MYO9B: variants seen among roughly 807,000 people sequenced by gnomAD.
MYO9B encodes myosin IXB.
In MYO9B, 71 loss-of-function variants were observed where a neutral mutation model predicts 229.5. That is an observed-to-expected ratio of 0.31 (90% confidence interval 0.26 to 0.38). The LOEUF (loss-of-function observed/expected upper bound fraction) is 0.38, where lower values mean the gene tolerates loss of function less well. Ranked by LOEUF, MYO9B falls within the 10% of genes least tolerant of loss-of-function variation. The pLI is 1.00. For missense variants in MYO9B, 2,255 were observed against 2,920.5 expected (o/e 0.77, Z 5.25); for synonymous variants, 1,185 against 1,235.8 (o/e 0.96, Z 0.86).
In MYO9B at chr19:17,192,832, G is replaced by C; in HGVS notation, c.2898G>C (p.Trp966Cys). The C allele has an allele frequency of 6.4e-7, 1 of 1,554,028 alleles. No individual in the cohort carries two copies. Among genetic ancestry groups the C allele is most frequent in the Non-Finnish European group, 8.7e-7 (1 of 1,149,188 alleles). The change falls in exon 21 of 40, where the codon TGG (tryptophan) becomes TGC (cysteine). Residue 966 changes from tryptophan (W) to cysteine (C), a missense_variant. By Grantham distance (215) the Trp-to-Cys change is radical. This residue lies in a region of MYO9B where 679 missense variants were observed against 770.2 expected (regional missense o/e 0.88). Coordinates refer to ENST00000682292, the MANE Select transcript of MYO9B (RefSeq NM_004145.4). ...VVRKILLLQS[W>C]FRMVLERRHF... ...GGAAAATCCTGCTGCTGCAGAGCTGGTTCCGGATGGTGCTGGAGCGTCGGC... is the reference window on the plus strand; with the variant it reads ...GGAAAATCCTGCTGCTGCAGAGCTGCTTCCGGATGGTGCTGGAGCGTCGGC...
At chr19:17,134,381 G>GTTTTTTTTTTTTTTT (rs869297825) in intron 2 of MYO9B, among the ~76,000 whole-genome samples, 1 of 46,476 alleles carries the variant, frequency 2.2e-5, no homozygotes, top group African/African-American at 8.9e-5. Flanking sequence ...CGTTTTGTTT[G>GTTTTTTTTTTTTTTT]TTTTTTTTTT....
intron 3 of MYO9B, among the ~76,000 whole-genome samples, chr19:17,152,347 A>G (rs1054273973): frequency 2.6e-5 from 4 of 152,214 alleles, no homozygotes; most frequent in Non-Finnish European, 5.9e-5. Context: ...GACATAGGTC[A>G]AGAGTTTGAG....
At chr19:17,107,481 C>A (rs2057803597) in intron 2 of MYO9B, among the ~76,000 whole-genome samples, 1 of 152,188 alleles carries the variant, frequency 6.6e-6, no homozygotes, top group Non-Finnish European at 1.5e-5. Flanking sequence ...CTCACTAGGA[C>A]CCTCCAGGGC....
chr19:17,173,696 G>A (rs911648608), intron 13 of MYO9B, among the ~76,000 whole-genome samples: 1 of 152,190 alleles, frequency 6.6e-6, no homozygotes, highest in Non-Finnish European at 1.5e-5. Context: ...ATGGTTTGAG[G>A]CAGGGGGTGT....
chr19:17,095,952 TTAG>T (rs1447865505), intron 1 of MYO9B: 1 of 152,004 alleles, frequency 6.6e-6, no homozygotes, highest in Non-Finnish European at 1.5e-5. Flanking sequence ...TTTTGTATTT[TTAG>T]TAGAGAAGGG....
chr19:17,200,483 ATTCACTGTCCCCAAACGGGGCC>A (rs1568299470), intron 25 of MYO9B, 57 bp downstream of exon 25: 1 of 1,531,652 alleles, frequency 6.5e-7, no homozygotes, highest in Non-Finnish European at 8.8e-7. Flanking sequence ...CCCTGGGGAC[ATTCACTGTCCCCAAACGGGGCC>A]TTGAGTTGGC....
At chr19:17,198,734 CAAAAAAAAAAA>C (rs59292415) in intron 24 of MYO9B, among the ~76,000 whole-genome samples, 1 of 41,216 alleles carries the variant, frequency 2.4e-5, no homozygotes, top group African/African-American at 9.3e-5. Context: ...GACTCCGTCT[CAAAAAAAAAAA>C]AAAAAAAAAA....
At chr19:17,121,444 AAT>A (rs59741893) in intron 2 of MYO9B, among the ~76,000 whole-genome samples, 4,283 of 142,314 alleles carry the variant, frequency 0.03, 236 homozygotes, top group African/African-American at 0.1. Context: ...ATGTATTCCA[AAT>A]ATATATATAT....
Position 17,194,750 on chromosome 19 carries a change from G to A in MYO9B, c.3323G>A (p.Arg1108Lys), listed in dbSNP as rs773169916. 2.5e-6 allele frequency: 4 copies of A among 1,613,168 alleles called. No individual in the cohort carries two copies. In the East Asian group the frequency reaches 6.7e-5, roughly 27 times the overall value. Residue 1108 changes from arginine (R) to lysine (K), a missense_variant, in exon 22 of 40, where the codon AGG becomes AAG. Arg to Lys is a conservative substitution (Grantham distance 26). Transcript: ENST00000682292. The part of the protein sequence containing the change: ...ASEPEVQPSD[R>K]SPLEHSSPEK... The stretch of plus-strand genomic sequence containing the variant: ...GAGCCTGAGGTGCAGCCAAGTGACA[G>A]GTCCCCCCTAGAGCACTCCTCACCT...
intron 2 of MYO9B, among the ~76,000 whole-genome samples, chr19:17,107,822 A>G (rs2057806636): frequency 1.3e-5 from 2 of 152,012 alleles, no homozygotes; most frequent in Non-Finnish European, 2.9e-5. Flanking sequence ...ACCTCATCCT[A>G]CCTAATTGCA....
chr19:17,212,184 A>G lies in MYO9B; in HGVS notation c.6348A>G (p.Ala2116=). Residue 2116 remains alanine, a synonymous_variant, in exon 40 of 40, where the codon GCA becomes GCG. Coordinates refer to ENST00000682292, the MANE Select transcript of MYO9B (RefSeq NM_004145.4). The surrounding 1 kb of genome is among the most constrained non-coding windows in gnomAD (Gnocchi z 5.4). The stretch of plus-strand genomic sequence containing the variant: ...ATTCCGTGTACATCACGCCCGGGGC[A>G]GACCTGCCAGTGCAGGGCGCCCTGG... ...QIHSVYITPG[A]DLPVQGALEP... is the part of the protein sequence containing the mutation. 6.3e-7 allele frequency: 1 copy of G among 1,580,574 alleles called. No individual in the cohort carries two copies. Among genetic ancestry groups the G allele is most frequent in the Non-Finnish European group, 8.6e-7 (1 of 1,164,844 alleles).
At chr19:17,136,270 C>T (rs1380168946) in intron 2 of MYO9B, among the ~76,000 whole-genome samples, 1 of 152,138 alleles carries the variant, frequency 6.6e-6, no homozygotes, top group Non-Finnish European at 1.5e-5. Context: ...TGATTTCCTG[C>T]GTGAGCTCCA....
rs549610860 is a variant in MYO9B at position 17,121,063 on chromosome 19, C to T, written c.840+18506C>T. Among the ~76,000 whole-genome samples the T allele has an allele frequency of 2.0e-5, 3 of 152,322 alleles. No individual in the cohort carries two copies. In the South Asian group the frequency reaches 6.2e-4, roughly 32 times the overall value. ...ACTCAAGCGATCCTCCCACCTTAGC[C>T]TCCCAAGTAGCTGGGACTACAGGCG... On this transcript the variant is annotated intron_variant, in intron 2 of 39. Transcript: ENST00000682292.
rs1432294489 is a variant in MYO9B, at chr19:17,102,129, C to T, written c.412C>T (p.Arg138Cys). The T allele has an allele frequency of 1.9e-6, 3 of 1,613,392 alleles. No individual in the cohort carries two copies. The highest frequency in any genetic ancestry group is 2.7e-5 in the African/African-American group (2 of 74,930). The change falls in exon 2 of 40, where the codon CGT (arginine) becomes TGT (cysteine). Residue 138 changes from arginine to cysteine, a missense_variant. Physicochemically the swap from Arg to Cys is radical, Grantham distance 180. Coordinates refer to ENST00000682292, the MANE Select transcript of MYO9B (RefSeq NM_004145.4). ...CACAGCCACCCGGCGCCTAGTGGAG[C>T]GTGGCCTCCTGCCACGGCAGCAGGC... ...QATATRRLVE[R>C]GLLPRQQADF...
At position 17,212,110 on chromosome 19, in the gene MYO9B, G is replaced by A. The variant is rs367630188; in HGVS notation, c.6274G>A (p.Ala2092Thr). Residue 2092 changes from alanine to threonine, a missense_variant, in exon 40 of 40, where the codon GCC becomes ACC. By Grantham distance (58) the Ala-to-Thr change is moderately conservative. Around this residue, in one of 7 missense-constraint regions of MYO9B, gnomAD observed 331 missense variants for 332.5 expected, o/e 1.00. Coordinates refer to ENST00000682292, the MANE Select transcript of MYO9B (RefSeq NM_004145.4). The surrounding 1 kb of genome is among the most constrained non-coding windows in gnomAD (Gnocchi z 5.4). ...RWAPGAREAA[A>T]PVRRREPPAR... ...GGCACCGGGTGCCCGGGAGGCGGCTGCCCCAGTGCGGCGCCGGGAGCCACC... is the reference window on the plus strand; with the variant it reads ...GGCACCGGGTGCCCGGGAGGCGGCTACCCCAGTGCGGCGCCGGGAGCCACC... 98 of 1,589,314 alleles carry A rather than the reference G, an allele frequency of 6.2e-5. No individual in the cohort carries two copies. In the African/African-American group the frequency reaches 1.1e-3, roughly 18 times the overall value.
At chr19:17,139,788 T>C (rs2072314826) in intron 2 of MYO9B, among the ~76,000 whole-genome samples, 1 of 152,044 alleles carries the variant, frequency 6.6e-6, no homozygotes, top group Admixed American at 6.6e-5. Flanking sequence ...AGGACTGTGA[T>C]CTCAGCACTT....
intron 22 of MYO9B, among the ~76,000 whole-genome samples, chr19:17,197,431 G>GATAC (rs1555704404): frequency 2.4e-3 from 213 of 88,270 alleles, no homozygotes; most frequent in African/African-American, 9.5e-3. Flanking sequence ...TAGATAGATA[G>GATAC]ATAGATAGAT....
chr19:17,201,600 C>T (rs932209112), intron 26 of MYO9B, among the ~76,000 whole-genome samples: 4 of 152,126 alleles, frequency 2.6e-5, no homozygotes, highest in African/African-American at 4.8e-5. Flanking sequence ...CCAGGGAACA[C>T]TGGCAATGTC....
intron 2 of MYO9B, among the ~76,000 whole-genome samples, chr19:17,132,189 T>TTC (rs2072206567): frequency 7.5e-6 from 1 of 133,808 alleles, no homozygotes; most frequent in Non-Finnish European, 1.6e-5. Context: ...TTTTTTTTTT[T>TTC]TTTTTTTTTT....
Sources: gnomAD v4.1 joint callset for allele counts (sites outside exome capture counted in the v4.1 genomes callset) on GRCh38, gnomAD v4.1.1 for gene constraint, gnomAD v4.1.1 regional missense constraint, Gnocchi (gnomAD v3.1) non-coding constraint, MANE v1.5 for transcripts, NCBI Gene and HGNC (gene_info 2026-07-23, HGNC 2026-07-21) for gene names.